Variants in GABRB2 observed in about 807,000 individuals in gnomAD.
GABRB2 encodes gamma-aminobutyric acid receptor subunit beta-2.
GABRB2 carries 16 observed loss-of-function variants against 54.7 expected under a neutral mutation model. The observed-to-expected ratio is 0.29, with a 90% CI of 0.20 to 0.44. The LOEUF (loss-of-function observed/expected upper bound fraction) is 0.44. Among genes scored for constraint, GABRB2 ranks in the 20% least tolerant of loss-of-function variants. The pLI, the probability that GABRB2 is intolerant of heterozygous loss-of-function variation, is 1.00. For missense variants in GABRB2, 355 were observed against 644.0 expected (o/e 0.55, Z 4.86); for synonymous variants, 244 against 233.8 (o/e 1.04, Z -0.40).
At chr5:161,366,223 A>G (rs1401183004) in intron 5 of GABRB2, among the ~76,000 whole-genome samples, 7 of 152,010 alleles carry the variant, frequency 4.6e-5, no homozygotes, top group Non-Finnish European at 8.8e-5. Flanking sequence ...AACCTCTTTC[A>G]AAACTGGATC....
intron 3 of GABRB2, among the ~76,000 whole-genome samples, chr5:161,501,879 T>G (rs1375981553): frequency 6.7e-6 from 1 of 149,340 alleles, no homozygotes; most frequent in Non-Finnish European, 1.5e-5. Context: ...ACCTAAAATA[T>G]AAAATATCTT....
intron 9 of GABRB2, among the ~76,000 whole-genome samples, chr5:161,309,751 C>A (rs903302705): frequency 6.6e-6 from 1 of 151,868 alleles, no homozygotes; most frequent in Non-Finnish European, 1.5e-5. Flanking sequence ...CTGCCTCAGC[C>A]TCCTGAGTAG....
Position 161,293,849 on chromosome 5 carries a change from C to A in GABRB2, c.*232G>T, listed in dbSNP as rs1360387638. 12 of 518,934 alleles carry A rather than the reference C, an allele frequency of 2.3e-5. No homozygotes were observed. The Admixed American group carries it at 3.3e-4, about 14-fold the overall frequency. 32.1% of individuals were successfully genotyped at this position (518,934 alleles called of 1,614,324 possible). ...ATGGAGCACTCAGGCTGTCTAGCCA[C>A]CATGTGTAAAAATCACTTGCGTTTT... On this transcript the variant is annotated 3_prime_UTR_variant, in exon 10 of 10. Transcript: ENST00000393959.
chr5:161,440,945 A>G (rs879286456), intron 4 of GABRB2, among the ~76,000 whole-genome samples: 1 of 152,208 alleles, frequency 6.6e-6, no homozygotes, highest in Non-Finnish European at 1.5e-5. Context: ...ACCCCTATGT[A>G]TCACCATATA....
chr5:161,505,594 G>A (rs1372784292), intron 3 of GABRB2, among the ~76,000 whole-genome samples: 5 of 152,068 alleles, frequency 3.3e-5, no homozygotes, highest in African/African-American at 7.2e-5. Flanking sequence ...AATAGAGCAC[G>A]ATAAAATAGA....
intron 5 of GABRB2, among the ~76,000 whole-genome samples, chr5:161,400,555 TA>T (rs1322855052): frequency 6.6e-6 from 1 of 152,094 alleles, no homozygotes; most frequent in African/African-American, 2.4e-5. Flanking sequence ...ATTAGAAACT[TA>T]AAAGAAGGTG....
chr5:161,493,649 A>C, intron 3 of GABRB2, among the ~76,000 whole-genome samples: 1 of 151,752 alleles, frequency 6.6e-6, no homozygotes. Context: ...ACAAAGTAAG[A>C]AAGTGTATAT....
chr5:161,367,463 T>A (rs1372708232), intron 5 of GABRB2, among the ~76,000 whole-genome samples: 2 of 151,996 alleles, frequency 1.3e-5, no homozygotes, highest in Non-Finnish European at 2.9e-5. Flanking sequence ...AAAACAACCA[T>A]ATATTTTTCG....
At chr5:161,495,361 T>C (rs1406253387) in intron 3 of GABRB2, among the ~76,000 whole-genome samples, 1 of 151,934 alleles carries the variant, frequency 6.6e-6, no homozygotes, top group Non-Finnish European at 1.5e-5. Context: ...TATGGCAAAA[T>C]ACTATAGAAG....
At chr5:161,385,640 TCATATAGCCTGTGC>T (rs1213998565) in intron 5 of GABRB2, among the ~76,000 whole-genome samples, 1 of 152,152 alleles carries the variant, frequency 6.6e-6, no homozygotes, top group East Asian at 1.9e-4. Context: ...TATTAGTTGA[TCATATAGCCTGTGC>T]CATGCCCTGC....
intron 3 of GABRB2, among the ~76,000 whole-genome samples, chr5:161,497,884 T>A (rs533786208): frequency 6.6e-6 from 1 of 152,268 alleles, no homozygotes; most frequent in South Asian, 2.1e-4. Flanking sequence ...ACTTTGCTCT[T>A]GGAGTGCAGC....
intron 3 of GABRB2, among the ~76,000 whole-genome samples, chr5:161,490,211 T>C (rs1759058361): frequency 6.6e-6 from 1 of 151,786 alleles, no homozygotes; most frequent in Non-Finnish European, 1.5e-5. Context: ...GTGTTACACA[T>C]GCCATGTCTA....
Position 161,289,093 on chromosome 5 carries a change from C to T in GABRB2, c.*4988G>A, listed in dbSNP as rs1757163108. The T allele has an allele frequency of 1.3e-5, 2 of 152,102 alleles. No homozygotes were observed. Among genetic ancestry groups the T allele is most frequent in the Non-Finnish European group, 2.9e-5 (2 of 68,012 alleles). The allele number at this position is 152,102 out of a possible 1,614,324, so 9.4% of individuals were successfully genotyped here. A position where few individuals can be genotyped will look rare whatever the true frequency, so the allele number is the denominator to read the frequency against. ...TCAAAGGACATACAGTTTTGTTTTT[C>T]ATCATTTGAATCATATTGATCTTCA... is the stretch of plus-strand genomic sequence containing the variant. On this transcript the variant is annotated 3_prime_UTR_variant, in exon 10 of 10. Coordinates refer to ENST00000393959, the MANE Select transcript of GABRB2 (RefSeq NM_001371727.1).
At chr5:161,502,132 T>C (rs1046453983) in intron 3 of GABRB2, among the ~76,000 whole-genome samples, 1 of 151,326 alleles carries the variant, frequency 6.6e-6, no homozygotes, top group Non-Finnish European at 1.5e-5. Flanking sequence ...TACATTTTCA[T>C]AACGTTAGGA....
At chr5:161,309,486 A>C (rs1190934243) in intron 9 of GABRB2, among the ~76,000 whole-genome samples, 1 of 152,178 alleles carries the variant, frequency 6.6e-6, no homozygotes, top group Non-Finnish European at 1.5e-5. Flanking sequence ...ATATCACTTG[A>C]CCCAGCAATC....
chr5:161,305,061 C>G lies in GABRB2; in HGVS notation c.1192-10633G>C, dbSNP rs546832425. Among the ~76,000 whole-genome samples the G allele has an allele frequency of 8.8e-5, 12 of 136,226 alleles. 1 individual carries two copies. The Admixed American group carries it at 9.5e-4, about 11-fold the overall frequency. The allele number at this position is 136,226 out of a possible 152,430, so 89.4% of individuals were successfully genotyped here. On this transcript the variant is annotated intron_variant, in intron 9 of 9. Transcript: ENST00000393959. ...GTCTCGCTCTGTCGCCCAGGCCGGA[C>G]TGCGGACTGCAGTGGCGCAATCTCG...
intron 5 of GABRB2, among the ~76,000 whole-genome samples, chr5:161,361,216 TA>T (rs557693501): frequency 7.4e-4 from 113 of 152,076 alleles, no homozygotes; most frequent in African/African-American, 2.6e-3. Flanking sequence ...ACCAAATTGT[TA>T]AAAAAATGAT....
At chr5:161,356,521 C>T (rs1380504188) in intron 5 of GABRB2, among the ~76,000 whole-genome samples, 1 of 152,074 alleles carries the variant, frequency 6.6e-6, no homozygotes, top group African/African-American at 2.4e-5. Context: ...TAGGCTGTAT[C>T]TATCATATTC....
At chr5:161,508,279 T>C (rs1403455947) in intron 3 of GABRB2, among the ~76,000 whole-genome samples, 1 of 150,306 alleles carries the variant, frequency 6.7e-6, no homozygotes, top group East Asian at 1.9e-4. Context: ...CAACAATGTT[T>C]TAGACAATAG....
Sources: gnomAD v4.1 joint callset for allele counts (sites outside exome capture counted in the v4.1 genomes callset) on GRCh38, gnomAD v4.1.1 for gene constraint, MANE v1.5 for transcripts, NCBI Gene and HGNC (gene_info 2026-07-23, HGNC 2026-07-21) for gene names.